Variants in MAP7D3 observed in about 807,000 individuals in gnomAD.
MAP7D3 encodes the protein MAP7 domain-containing protein 3.
Under a neutral mutation model 62.2 loss-of-function variants are expected in MAP7D3, and 45 were observed. The observed-to-expected ratio is 0.72, with a 90% CI of 0.57 to 0.93. The LOEUF is 0.93. Ranked by LOEUF, MAP7D3 falls within the 40% of genes least tolerant of loss-of-function variation. The pLI is 0.00. For synonymous variants in MAP7D3, 288 were observed against 248.8 expected (o/e 1.16, Z -1.48); for missense variants, 711 against 683.1 (o/e 1.04, Z -0.45).
intron 11 of MAP7D3, 68 bp downstream of exon 11, chrX:136,228,555 A>G: frequency 2.8e-6 from 3 of 1,066,603 alleles, no homozygotes; most frequent in Middle Eastern, 5.3e-4. Flanking sequence ...TGAGGGTAAA[A>G]TTTTGACTTT....
chrX:136,220,940 G>C lies in MAP7D3; in HGVS notation c.2311C>G (p.Pro771Ala). Residue 771 changes from proline (P) to alanine (A), a missense_variant, in exon 16 of 19, where the codon CCT (proline) becomes GCT (alanine). Physicochemically the swap from Pro to Ala is conservative, Grantham distance 27 (BLOSUM62 -1). Transcript: ENST00000316077. ...PSAILNGTGS[P>A]TKFKMPFNNA... ...TTGAACGGCATTTTAAATTTGGTAGGTGAGCCTGTGCCATTTAGAATGGCT... is the reference window on the plus strand; with the variant it reads ...TTGAACGGCATTTTAAATTTGGTAGCTGAGCCTGTGCCATTTAGAATGGCT... 1.7e-6 allele frequency: 2 copies of C among 1,200,936 alleles called. No individual in the cohort carries two copies.
At chrX:136,220,728 G>T in intron 16 of MAP7D3, 37 bp downstream of exon 16, 1 of 1,081,361 alleles carries the variant, frequency 9.2e-7, no homozygotes, top group Non-Finnish European at 1.3e-6. Flanking sequence ...TCATAATCCT[G>T]CCAAGTTTAT....
Position 136,231,611 on chromosome X carries a change from G to A in MAP7D3, c.1346C>T (p.Ser449Phe). 8.3e-7 allele frequency: 1 copy of A among 1,210,150 alleles called. No individual in the cohort carries two copies. The highest frequency in any genetic ancestry group is 2.3e-4 in the Middle Eastern group (1 of 4,337). ...EASPEAMVKASPKTSLEASME... is the reference protein window; with the variant it reads ...EASPEAMVKAFPKTSLEASME... ...GCTTGCTTCAAGGGATGTCTTGGGG[G>A]ATGCTTTCACCATCGCCTCAGGAGA... The change falls in exon 8 of 19, where the codon TCC becomes TTC. Residue 449 changes from serine (S) to phenylalanine (F), a missense_variant. By Grantham distance (155) the Ser-to-Phe change is radical. Coordinates refer to ENST00000316077, the MANE Select transcript of MAP7D3 (RefSeq NM_024597.4).
intron 4 of MAP7D3, among the ~76,000 whole-genome samples, chrX:136,244,318 G>C (rs983341924): frequency 1.2e-4 from 13 of 111,524 alleles, no homozygotes; most frequent in African/African-American, 3.6e-4. Context: ...CTTTTTGGTA[G>C]TAAACAGAGC....
Position 136,226,029 on chromosome X carries a change from A to G in MAP7D3, c.2035-16T>C. On this transcript the variant is annotated splice_polypyrimidine_tract_variant and intron_variant, in intron 12 of 18. Coordinates refer to ENST00000316077, the MANE Select transcript of MAP7D3 (RefSeq NM_024597.4). Reference sequence around the variant, plus strand: ...CGTCCCCTTTCTAGGAAATTTGCATAAAAATATCATTCAATCTCAAGATAC... The same window carrying G: ...CGTCCCCTTTCTAGGAAATTTGCATGAAAATATCATTCAATCTCAAGATAC... The G allele has an allele frequency of 9.2e-7, 1 of 1,088,827 alleles. No individual in the cohort carries two copies. Among genetic ancestry groups the G allele is most frequent in the Non-Finnish European group, 1.3e-6 (1 of 791,514 alleles). The allele number at this position is 1,088,827 out of a possible 1,213,427, so 89.7% of individuals were successfully genotyped here.
chrX:136,214,612 C>T (rs1392644217), downstream of MAP7D3: 1 of 111,909 alleles, frequency 8.9e-6, no homozygotes, highest in South Asian at 3.8e-4. Flanking sequence ...CAATGTCACA[C>T]GTGAGCTAGC....
intron 6 of MAP7D3, among the ~76,000 whole-genome samples, chrX:136,239,140 C>CT (rs1013823137): frequency 3.6e-5 from 4 of 111,181 alleles, no homozygotes; most frequent in Admixed American, 1.9e-4. Flanking sequence ...GAAAAGGGAT[C>CT]TTTTTTTTGG....
intron 18 of MAP7D3, among the ~76,000 whole-genome samples, chrX:136,219,011 C>T (rs187058810): frequency 6.3e-5 from 7 of 111,299 alleles, no homozygotes; most frequent in Non-Finnish European, 7.6e-5. Flanking sequence ...TTACCACACC[C>T]GGCTAATTTT....
intron 7 of MAP7D3, 151 bp from the exon 8 acceptor site, chrX:136,232,371 A>G: frequency 2.2e-6 from 1 of 456,834 alleles, no homozygotes; most frequent in South Asian, 3.4e-5. Context: ...ATGCTTAGTG[A>G]AATGGATGAC....
chrX:136,232,709 T>TTAATAAGA (rs905973105), intron 7 of MAP7D3, among the ~76,000 whole-genome samples: 27 of 112,374 alleles, frequency 2.4e-4, no homozygotes, highest in Non-Finnish European at 5.1e-4. Flanking sequence ...TACTAAAAAC[T>TTAATAAGA]TAATAAGACA....
chrX:136,221,460 G>C (rs987205457), intron 15 of MAP7D3, among the ~76,000 whole-genome samples: 1 of 111,703 alleles, frequency 9.0e-6, no homozygotes, highest in Non-Finnish European at 1.9e-5. Flanking sequence ...CAAGTAGCTG[G>C]GACTACAGGC....
chrX:136,252,239 C>G (rs1031137961), upstream of MAP7D3, among the ~76,000 whole-genome samples: 7 of 110,972 alleles, frequency 6.3e-5, no homozygotes, highest in Non-Finnish European at 1.3e-4. Context: ...GGGGCTGGAC[C>G]ACTTGTGAGA....
upstream of MAP7D3, among the ~76,000 whole-genome samples, chrX:136,254,889 AAAAC>A (rs2074542549): frequency 2.0e-5 from 2 of 101,825 alleles, no homozygotes; most frequent in Admixed American, 1.1e-4. Context: ...AGTAAAAACA[AAAAC>A]AAAAACAAAC....
intron 1 of MAP7D3, among the ~76,000 whole-genome samples, chrX:136,246,921 T>C (rs2074454537): frequency 1.8e-5 from 2 of 111,877 alleles, no homozygotes; most frequent in Non-Finnish European, 3.8e-5. Context: ...TTTTAGAAAA[T>C]CAGCAATGCC....
chrX:136,229,178 T>C (rs944944891), intron 10 of MAP7D3, among the ~76,000 whole-genome samples: 3 of 111,853 alleles, frequency 2.7e-5, no homozygotes, highest in African/African-American at 9.7e-5. Flanking sequence ...GCATCATTTT[T>C]ACTATATGAT....
At chrX:136,248,662 T>C (rs2074474193) in intron 1 of MAP7D3, among the ~76,000 whole-genome samples, 1 of 112,556 alleles carries the variant, frequency 8.9e-6, no homozygotes, top group Admixed American at 9.4e-5. Context: ...TTAATCTGTA[T>C]TTATAGAACT....
In MAP7D3 at chrX:136,231,616, T is replaced by A; in HGVS notation, c.1341A>T (p.Lys447Asn). ...CTTCAAGGGATGTCTTGGGGGATGC[T>A]TTCACCATCGCCTCAGGAGATGCCT... The part of the protein sequence containing the change: ...SMEASPEAMV[K>N]ASPKTSLEAS... The change falls in exon 8 of 19, where the codon AAA becomes AAT. Residue 447 changes from lysine (K) to asparagine (N), a missense_variant. By Grantham distance (94) the Lys-to-Asn change is moderately conservative. Coordinates refer to ENST00000316077, the MANE Select transcript of MAP7D3 (RefSeq NM_024597.4). 8.3e-7 allele frequency: 1 copy of A among 1,210,709 alleles called. No individual in the cohort carries two copies. Among genetic ancestry groups the A allele is most frequent in the Non-Finnish European group, 1.1e-6 (1 of 895,089 alleles).
chrX:136,224,417 A>G (rs546226103), intron 14 of MAP7D3, among the ~76,000 whole-genome samples: 1 of 108,206 alleles, frequency 9.2e-6, no homozygotes, highest in South Asian at 4.2e-4. Flanking sequence ...AAAAGAGAGA[A>G]ATGATCAGCG....
In MAP7D3 at chrX:136,231,709, T is replaced by G; in HGVS notation, c.1248A>C (p.Ala416=). ...CTACTTCTGCGCTCCCCTTGGGAGG[T>G]GCTTCCAGGCTCCCCTCTGGGGCTG... ...VEAAPEGSLE[A]PPKGSAEVAP... The change falls in exon 8 of 19, where the codon GCA becomes GCC. Residue 416 remains alanine, a synonymous_variant. Transcript: ENST00000316077. 8.3e-7 allele frequency: 1 copy of G among 1,209,396 alleles called. No homozygotes were observed. Among genetic ancestry groups the G allele is most frequent in the Non-Finnish European group, 1.1e-6 (1 of 894,149 alleles).
Sources: gnomAD v4.1 joint callset for allele counts (sites outside exome capture counted in the v4.1 genomes callset) on GRCh38, gnomAD v4.1.1 for gene constraint, MANE v1.5 for transcripts, NCBI Gene and HGNC (gene_info 2026-07-23, HGNC 2026-07-21) for gene names.